Variants in NRG3 observed in about 807,000 individuals in gnomAD.
The protein encoded by NRG3 is pro-neuregulin-3, membrane-bound isoform.
Under a neutral mutation model 66.9 loss-of-function variants are expected in NRG3, and 31 were observed. That is an observed-to-expected ratio of 0.46 (90% CI 0.35 to 0.63). The LOEUF is 0.63. Ranked by LOEUF, NRG3 falls within the 20% of genes least tolerant of loss-of-function variation. The pLI is 0.00. For synonymous variants in NRG3, 393 were observed against 359.4 expected (o/e 1.09, Z -1.06); for missense variants, 910 against 878.9 (o/e 1.04, Z -0.45).
chr10:82,008,490 A>G (rs11192150), intron 1 of NRG3, among the ~76,000 whole-genome samples: 1,583 of 152,342 alleles, frequency 0.01, 34 homozygotes, highest in African/African-American at 0.036. Flanking sequence ...GAATGTCCCT[A>G]TTTGGAAGGT....
rs769916200 is a variant in NRG3 at position 82,985,602 on chromosome 10, G to A, written c.2088G>A (p.Lys696=). The A allele has an allele frequency of 8.1e-6, 13 of 1,609,476 alleles. No homozygotes were observed. Among genetic ancestry groups the A allele is most frequent in the Admixed American group, 1.7e-5 (1 of 59,766 alleles). The change falls in exon 9 of 9, where the codon AAG becomes AAA. Residue 696 remains lysine (K), a synonymous_variant. Coordinates refer to ENST00000372141, the MANE Select transcript of NRG3 (RefSeq NM_001010848.4). The part of the protein sequence containing the change: ...NEIQRDSALT[K] ...TACAAAGAGACTCTGCATTGACCAA[G>A]TGACTTGAGATGTAGGAATCTGTGC...
Position 82,568,035 on chromosome 10 carries a change from G to A in NRG3, c.954-170542G>A, listed in dbSNP as rs141777843. Among the ~76,000 whole-genome samples, 59 of 151,970 alleles carry A rather than the reference G, an allele frequency of 3.9e-4. No individual in the cohort carries two copies. In the East Asian group the frequency reaches 0.01, roughly 27 times the overall value. The stretch of plus-strand genomic sequence containing the variant: ...TCCTTAGTTTTGTCATTTCTTAAAT[G>A]AGAGATAAGAGTATCTTATGGGCCT... On this transcript the variant is annotated intron_variant, in intron 2 of 8. Transcript: ENST00000372141.
intron 1 of NRG3, among the ~76,000 whole-genome samples, chr10:82,292,622 A>G (rs186083627): frequency 1.3e-5 from 2 of 152,344 alleles, no homozygotes; most frequent in Middle Eastern, 3.4e-3. Flanking sequence ...TGATAATTAA[A>G]CACACTGTGG....
intron 1 of NRG3, among the ~76,000 whole-genome samples, chr10:82,100,950 T>G (rs2066692350): frequency 6.6e-6 from 1 of 152,030 alleles, no homozygotes; most frequent in South Asian, 2.1e-4. Context: ...TTGTTAGAAT[T>G]CTCCAGTGAA....
rs1208970520 is a variant in NRG3 at position 82,764,113 on chromosome 10, C to A, written c.1027+25463C>A. Among the ~76,000 whole-genome samples, 5 of 152,076 alleles carry A rather than the reference C, an allele frequency of 3.3e-5. No individual in the cohort carries two copies. In the East Asian group the frequency reaches 7.7e-4, roughly 24 times the overall value. On this transcript the variant is annotated intron_variant, in intron 3 of 8. Coordinates refer to ENST00000372141, the MANE Select transcript of NRG3 (RefSeq NM_001010848.4). ...ACAGTGGAGTGGTCTTGGCTCACTGCAACTTCTGCCTCCCAGGTTCAAGAG... is the reference window on the plus strand; with the variant it reads ...ACAGTGGAGTGGTCTTGGCTCACTGAAACTTCTGCCTCCCAGGTTCAAGAG...
intron 3 of NRG3, among the ~76,000 whole-genome samples, chr10:82,861,353 T>G (rs955042661): frequency 6.6e-6 from 1 of 152,194 alleles, no homozygotes; most frequent in Non-Finnish European, 1.5e-5. Flanking sequence ...TTTCTGAAAG[T>G]TAAAAACTCT....
chr10:82,869,367 A>G (rs890610928), intron 4 of NRG3, among the ~76,000 whole-genome samples: 1 of 152,126 alleles, frequency 6.6e-6, no homozygotes, highest in African/African-American at 2.4e-5. Context: ...ACCTAAACCT[A>G]CATTGACTCA....
At chr10:82,637,840 A>G (rs936762698) in intron 2 of NRG3, among the ~76,000 whole-genome samples, 1 of 152,198 alleles carries the variant, frequency 6.6e-6, no homozygotes, top group African/African-American at 2.4e-5. Context: ...CCCTGTGGTA[A>G]AGTTAATTTC....
At chr10:81,995,199 C>T (rs1463378735) in intron 1 of NRG3, among the ~76,000 whole-genome samples, 7 of 152,050 alleles carry the variant, frequency 4.6e-5, no homozygotes, top group East Asian at 1.9e-4. Flanking sequence ...TTCATGTTTA[C>T]GTTTCATATT....
intron 1 of NRG3, among the ~76,000 whole-genome samples, chr10:82,239,793 TGCTGTTA>T (rs1351133664): frequency 1.3e-5 from 2 of 152,166 alleles, no homozygotes; most frequent in Non-Finnish European, 2.9e-5. Context: ...CCTTTGTATC[TGCTGTTA>T]GCTTAGTTCC....
Position 82,415,163 on chromosome 10 carries a change from GA to G in NRG3, c.953+56296del, listed in dbSNP as rs1428655493. ...AAATAATGAGTTGCAGATACTGCTG[GA>G]TTATATGGGTAAAAATGCTCAGTGA... is the stretch of plus-strand genomic sequence containing the variant. On this transcript the variant is annotated intron_variant, in intron 2 of 8. Transcript: ENST00000372141. 3.3e-5 allele frequency among the ~76,000 whole-genome samples: 5 copies of G among 152,260 alleles called. No homozygotes were observed. In the East Asian group the frequency reaches 9.7e-4, roughly 29 times the overall value.
chr10:82,235,353 G>A (rs2076702581), intron 1 of NRG3, among the ~76,000 whole-genome samples: 1 of 152,148 alleles, frequency 6.6e-6, no homozygotes. Context: ...ACTAGAGTAT[G>A]AACTTCTTTA....
rs200739748 is a variant in NRG3, at chr10:82,896,454, GCTGA to G, written c.1054+31021_1054+31024del. 6.2e-3 allele frequency among the ~76,000 whole-genome samples: 948 copies of G among 151,800 alleles called. 5 individuals carry two copies. The highest frequency in any genetic ancestry group is 0.021 in the African/African-American group (849 of 41,108). ...CCTGTGCCTGGCAAAGAAGGATGAG[GCTGA>G]CTGTGAATGAATTTGTGGATATAGA... On this transcript the variant is annotated intron_variant, in intron 4 of 8. Transcript: ENST00000372141.
At chr10:82,067,979 T>C (rs185075487) in intron 1 of NRG3, among the ~76,000 whole-genome samples, 2 of 152,316 alleles carry the variant, frequency 1.3e-5, no homozygotes, top group East Asian at 3.9e-4. Context: ...AGCATATTCC[T>C]CTTTTTCCTT....
intron 2 of NRG3, among the ~76,000 whole-genome samples, chr10:82,558,740 T>G (rs2044820710): frequency 6.6e-6 from 1 of 152,170 alleles, no homozygotes. Flanking sequence ...CATTTTAGTT[T>G]TACATTCTTT....
rs143213429 is a variant in NRG3 at position 82,704,807 on chromosome 10, G to T, written c.954-33770G>T. ...CAGCTTGTCCATTTGTAAAGAATTT[G>T]TCATTCAAAATATTTTAAAATTTTC... On this transcript the variant is annotated intron_variant, in intron 2 of 8. Transcript: ENST00000372141. Among the ~76,000 whole-genome samples, 917 of 152,180 alleles carry T rather than the reference G, an allele frequency of 6.0e-3. 13 individuals are homozygous for T. The highest frequency in any genetic ancestry group is 0.021 in the African/African-American group (868 of 41,508).
At chr10:82,511,236 T>C (rs531034318) in intron 2 of NRG3, among the ~76,000 whole-genome samples, 2 of 151,044 alleles carry the variant, frequency 1.3e-5, no homozygotes, top group Non-Finnish European at 3.0e-5. Context: ...AAAGAAAAAA[T>C]AAACAAACAA....
chr10:82,742,106 C>T (rs924337364), intron 3 of NRG3, among the ~76,000 whole-genome samples: 6 of 152,034 alleles, frequency 3.9e-5, no homozygotes, highest in African/African-American at 1.2e-4. Context: ...TTCCATCTTC[C>T]TTCCTTCCTC....
intron 1 of NRG3, among the ~76,000 whole-genome samples, chr10:82,089,754 T>C (rs947271499): frequency 1.3e-5 from 2 of 152,220 alleles, no homozygotes; most frequent in African/African-American, 4.8e-5. Context: ...TAAAAAGATA[T>C]TATGCAAAGT....
Sources: gnomAD v4.1 joint callset for allele counts (sites outside exome capture counted in the v4.1 genomes callset) on GRCh38, gnomAD v4.1.1 for gene constraint, MANE v1.5 for transcripts, NCBI Gene and HGNC (gene_info 2026-07-23, HGNC 2026-07-21) for gene names.